HPS5: variants seen among roughly 807,000 people sequenced by gnomAD.
HPS5 encodes BLOC-2 complex member HPS5.
HPS5 carries 83 observed loss-of-function variants against 128.0 expected under a neutral mutation model. That is an observed-to-expected ratio of 0.65 (90% confidence interval 0.54 to 0.78). The LOEUF (loss-of-function observed/expected upper bound fraction) is 0.78. HPS5 is among the 30% of genes least tolerant of loss of function. HPS5 has a pLI of 0.00. For synonymous variants in HPS5, 475 were observed against 470.2 expected (o/e 1.01, Z -0.13); for missense variants, 1,281 against 1,326.2 (o/e 0.97, Z 0.53).
chr11:18,306,390 A>C (rs1420949829), intron 6 of HPS5, 43 bp from the exon 7 acceptor site: 1 of 1,455,434 alleles, frequency 6.9e-7, no homozygotes, highest in Non-Finnish European at 9.6e-7. Flanking sequence ...ACTTACAAAA[A>C]AAAGTCAAAA....
Position 18,291,692 on chromosome 11 carries a change from T to G in HPS5, c.2190A>C (p.Ala730=). The G allele has an allele frequency of 6.2e-7, 1 of 1,614,222 alleles. No homozygotes were observed. Among genetic ancestry groups the G allele is most frequent in the Non-Finnish European group, 8.5e-7 (1 of 1,180,028 alleles). ...LFQICSPCAI[A]SGLRNDLAEL... is the part of the protein sequence containing the mutation. Reference sequence around the variant, plus strand: ...CAGCCAGGTCGTTCCGAAGACCACTTGCAATGGCGCATGGAGAACATATTT... The same window carrying G: ...CAGCCAGGTCGTTCCGAAGACCACTGGCAATGGCGCATGGAGAACATATTT... The change falls in exon 16 of 23, where the codon GCA becomes GCC. Residue 730 remains alanine (A), a synonymous_variant. Coordinates refer to ENST00000349215, the MANE Select transcript of HPS5 (RefSeq NM_181507.2).
intron 12 of HPS5, 132 bp from the exon 13 acceptor site, chr11:18,296,254 G>C: frequency 1.1e-6 from 1 of 875,564 alleles, no homozygotes; most frequent in Non-Finnish European, 1.8e-6. Context: ...AACTGACCCA[G>C]AAACAAATGA....
At chr11:18,280,728 C>A in intron 22 of HPS5, 2 of 547,508 alleles carry the variant, frequency 3.7e-6, no homozygotes, top group Admixed American at 3.3e-5. Flanking sequence ...GAAATCCTGA[C>A]ACATGCTACA....
intron 21 of HPS5, among the ~76,000 whole-genome samples, chr11:18,283,535 A>G (rs1248213937): frequency 2.8e-5 from 4 of 140,500 alleles, no homozygotes; most frequent in African/African-American, 7.4e-5. Context: ...GAAAGCACAC[A>G]GTATAGTGCC....
chr11:18,299,349 C>G (rs562727600), intron 9 of HPS5, among the ~76,000 whole-genome samples: 14 of 152,302 alleles, frequency 9.2e-5, no homozygotes, highest in African/African-American at 3.4e-4. Flanking sequence ...AATCAATATA[C>G]AGTTCATGAG....
rs1863074447 is a variant in HPS5 at position 18,311,965 on chromosome 11, G to A, written c.168C>T (p.Leu56=). Residue 56 remains leucine, a synonymous_variant, in exon 3 of 23, where the codon CTC becomes CTT. Transcript: ENST00000349215. ...WLALGSSGGG[L]HLIQKEGWKH... is the part of the protein sequence containing the mutation. ...TCCAGCCTTCTTTCTGAATGAGATG[G>A]AGTCCTCCTCCTGAACTGCCCAAAG... is the stretch of plus-strand genomic sequence containing the variant. 1.9e-6 allele frequency: 3 copies of A among 1,614,040 alleles called. No homozygotes were observed. The highest frequency in any genetic ancestry group is 1.1e-5 in the South Asian group (1 of 91,078).
intron 5 of HPS5, among the ~76,000 whole-genome samples, chr11:18,310,379 T>C (rs1862831825): frequency 1.3e-5 from 2 of 152,248 alleles, no homozygotes; most frequent in Non-Finnish European, 2.9e-5. Flanking sequence ...GCCTGGGCAA[T>C]TGGTGTCATT....
intron 21 of HPS5, 107 bp downstream of exon 21, chr11:18,283,688 A>C (rs1859324770): frequency 1.3e-6 from 1 of 772,506 alleles, no homozygotes; most frequent in Non-Finnish European, 2.3e-6. Context: ...GTGGAATCAC[A>C]TATTAAATAT....
intron 2 of HPS5, among the ~76,000 whole-genome samples, chr11:18,317,259 T>TC (rs1338192916): frequency 1.1e-3 from 53 of 49,990 alleles, no homozygotes; most frequent in African/African-American, 2.0e-3. Flanking sequence ...CCTGATAAAT[T>TC]TTTTTTTTTT....
chr11:18,311,872 G>C, intron 3 of HPS5, 42 bp downstream of exon 3: 1 of 1,253,370 alleles, frequency 8.0e-7, no homozygotes, highest in Non-Finnish European at 1.2e-6. Context: ...ATTTATGAAA[G>C]AGACTCCAAA....
chr11:18,296,719 C>A (rs1211216156), intron 12 of HPS5, 79 bp downstream of exon 12: 1 of 1,291,530 alleles, frequency 7.7e-7, no homozygotes, highest in Non-Finnish European at 1.1e-6. Context: ...AAATTCCGTG[C>A]ACAAGATAAT....
intron 15 of HPS5, 78 bp downstream of exon 15, chr11:18,292,821 A>G: frequency 9.3e-7 from 1 of 1,076,008 alleles, no homozygotes; most frequent in Non-Finnish European, 1.4e-6. Flanking sequence ...GGCCCATAAA[A>G]AACTTACAAT....
rs1268256895 is a variant in HPS5, at chr11:18,286,937, A to ACTCT, written c.2718-228_2718-227insAGAG. 3.1e-5 allele frequency: 19 copies of ACTCT among 619,438 alleles called. No individual in the cohort carries two copies. In the African/African-American group the frequency reaches 3.5e-4, roughly 11 times the overall value. 38.4% of individuals were successfully genotyped at this position (619,438 alleles called of 1,614,324 possible). On this transcript the variant is annotated intron_variant, in intron 18 of 22. Coordinates refer to ENST00000349215, the MANE Select transcript of HPS5 (RefSeq NM_181507.2). The stretch of plus-strand genomic sequence containing the variant: ...AAAAAAAAAAGGGAGAGAAAGAGAG[A>ACTCT]GAGAAAGAAAGAGACAAATAAAAAC...
At position 18,310,815 on chromosome 11, in the gene HPS5, T is replaced by C. The variant is rs145406547; in HGVS notation, c.403A>G (p.Ile135Val). Reference sequence around the variant, plus strand: ...TGATCACCTACAAAAACTCTAAGAATAGCTGTATCCCAGCAGAGAGCTGTG... The same window carrying C: ...TGATCACCTACAAAAACTCTAAGAACAGCTGTATCCCAGCAGAGAGCTGTG... ...RVTALCWDTA[I>V]LRVFVGDHAG... is the part of the protein sequence containing the mutation. The change falls in exon 5 of 23, where the codon ATT (isoleucine) becomes GTT (valine). Residue 135 changes from isoleucine to valine, a missense_variant. By Grantham distance (29) the Ile-to-Val change is conservative. Coordinates refer to ENST00000349215, the MANE Select transcript of HPS5 (RefSeq NM_181507.2). 4.3e-5 allele frequency: 70 copies of C among 1,613,992 alleles called. No homozygotes were observed. Among genetic ancestry groups the C allele is most frequent in the East Asian group, 2.4e-4 (11 of 44,900 alleles).
intron 7 of HPS5, among the ~76,000 whole-genome samples, chr11:18,305,711 T>A (rs1862269360): frequency 6.6e-6 from 1 of 151,104 alleles, no homozygotes. Flanking sequence ...CCAACTTCAC[T>A]CTGAAAAGAT....
intron 21 of HPS5, 95 bp downstream of exon 21, chr11:18,283,700 T>C (rs1859326789): frequency 7.5e-6 from 6 of 801,988 alleles, no homozygotes; most frequent in East Asian, 2.4e-5. Context: ...ATTAAATATA[T>C]GATCATTGAA....
intron 9 of HPS5, among the ~76,000 whole-genome samples, chr11:18,299,414 TAA>T (rs1382824571): frequency 2.6e-5 from 4 of 152,348 alleles, no homozygotes; most frequent in African/African-American, 9.6e-5. Flanking sequence ...TGAAAGGACT[TAA>T]AAGACTACTT....
rs772160206 is a variant in HPS5, at chr11:18,317,758, C to T, written c.101G>A (p.Arg34His). The change falls in exon 2 of 23, where the codon CGT becomes CAT. Residue 34 changes from arginine to histidine, a missense_variant. Arg to His is a conservative substitution (Grantham distance 29). Coordinates refer to ENST00000349215, the MANE Select transcript of HPS5 (RefSeq NM_181507.2). ...LLSALRLDSS[R>H]LKCTSIAVSR... is the part of the protein sequence containing the mutation. ...AAGGATCAAGAAATTCACCTTTAGA[C>T]GACTGGAGTCCAGCCGCAGGGCTGA... The T allele has an allele frequency of 1.2e-5, 20 of 1,613,354 alleles. No individual in the cohort carries two copies. Among genetic ancestry groups the T allele is most frequent in the Middle Eastern group, 1.6e-4 (1 of 6,084 alleles).
chr11:18,280,275 G>T (rs1858707434), intron 22 of HPS5, among the ~76,000 whole-genome samples: 1 of 152,166 alleles, frequency 6.6e-6, no homozygotes, highest in Non-Finnish European at 1.5e-5. Flanking sequence ...ATGAAAAAAT[G>T]CTCAACATCT....
Sources: allele counts gnomAD v4.1 joint callset (sites outside exome capture counted in the v4.1 genomes callset), GRCh38; gene constraint gnomAD v4.1.1; transcripts MANE v1.5; gene names NCBI Gene and HGNC (gene_info 2026-07-23, HGNC 2026-07-21).